The following DNAH12 variants were observed in gnomAD, a reference collection of about 807,000 sequenced individuals.
DNAH12 encodes the protein axonemal beta dynein heavy chain 12.
In DNAH12, 285 loss-of-function variants were observed where a neutral mutation model predicts 371.5. That is an observed-to-expected ratio of 0.77 (90% CI 0.70 to 0.85). DNAH12 has a LOEUF of 0.85. DNAH12 is among the 40% of genes least tolerant of loss of function. The pLI, the probability that DNAH12 is intolerant of heterozygous loss-of-function variation, is 0.00. For synonymous variants in DNAH12, 1,200 were observed against 1,213.0 expected, an observed-to-expected ratio of 0.99 and a Z score of 0.22; for missense variants, 3,611 against 3,689.4, an observed-to-expected ratio of 0.98 and a Z score of 0.55.
intron 20 of DNAH12, among the ~76,000 whole-genome samples, chr3:57,459,037 T>C (rs113541913): frequency 0.014 from 2,150 of 152,310 alleles, 28 homozygotes; most frequent in Non-Finnish European, 0.023. Context: ...ATTTCTTAAA[T>C]TGAATACCAG....
At chr3:57,545,796 C>T (rs1221365811), upstream of DNAH12, among the ~76,000 whole-genome samples, 1 of 152,166 alleles carries the variant, frequency 6.6e-6, no homozygotes, top group African/African-American at 2.4e-5. Context: ...GAAAAATCTC[C>T]AGCCCATTTG....
chr3:57,378,947 C>G (rs1389130574), intron 52 of DNAH12, among the ~76,000 whole-genome samples: 2 of 152,220 alleles, frequency 1.3e-5, no homozygotes, highest in Non-Finnish European at 2.9e-5. Context: ...TCCTGCATCA[C>G]TACCACCCAC....
In DNAH12 at chr3:57,425,075, AAAGTAGCACTTC is replaced by A; in HGVS notation, c.5308_5319del (p.Glu1770_Leu1773del). On this transcript the variant is annotated inframe_deletion, in exon 35 of 74. Coordinates refer to ENST00000495027, the MANE Select transcript of DNAH12 (RefSeq NM_001366028.2). ...GTAGGATCATTTTCTACCACATTGC[AAAGTAGCACTTC>A]AAAGAGGCGTGTGAGAGATACAACC... 1.4e-6 allele frequency: 1 copy of A among 702,878 alleles called. No individual in the cohort carries two copies. The highest frequency in any genetic ancestry group is 2.6e-6 in the Non-Finnish European group (1 of 384,932). 43.5% of individuals were successfully genotyped at this position (702,878 alleles called of 1,614,324 possible).
In DNAH12 at chr3:57,323,634, A is replaced by G; in HGVS notation, c.9979-15T>C. ...GCTGGGGTTATCTGTTGAAGAGAAAAGATATGATCTTTAGAGCAACTTTTA... is the reference window on the plus strand; with the variant it reads ...GCTGGGGTTATCTGTTGAAGAGAAAGGATATGATCTTTAGAGCAACTTTTA... On this transcript the variant is annotated splice_polypyrimidine_tract_variant and intron_variant, in intron 62 of 73. Coordinates refer to ENST00000495027, the MANE Select transcript of DNAH12 (RefSeq NM_001366028.2). 1 of 1,509,046 alleles carries G rather than the reference A, an allele frequency of 6.6e-7. No homozygotes were observed. The highest frequency in any genetic ancestry group is 8.8e-7 in the Non-Finnish European group (1 of 1,131,476). 93.5% of individuals were successfully genotyped at this position (1,509,046 alleles called of 1,614,324 possible). A position where few individuals can be genotyped will look rare whatever the true frequency, so the allele number is the denominator to read the frequency against.
chr3:57,548,602 A>G (rs1260328938), upstream of DNAH12, among the ~76,000 whole-genome samples: 1 of 152,148 alleles, frequency 6.6e-6, no homozygotes, highest in Non-Finnish European at 1.5e-5. Flanking sequence ...GCTACTTGGC[A>G]GACTGAGGGG....
At chr3:57,303,882 A>G (rs2061414123) in intron 69 of DNAH12, among the ~76,000 whole-genome samples, 1 of 152,188 alleles carries the variant, frequency 6.6e-6, no homozygotes, top group African/African-American at 2.4e-5. Flanking sequence ...GAAGTAACTG[A>G]AGAATCACAA....
At chr3:57,342,470 C>T (rs1453483124) in intron 60 of DNAH12, among the ~76,000 whole-genome samples, 3 of 111,756 alleles carry the variant, frequency 2.7e-5, no homozygotes, top group African/African-American at 3.5e-5. Context: ...GAAACCCTAT[C>T]TCTACTAAAA....
Position 57,310,730 on chromosome 3 carries a change from A to G in DNAH12, c.10883T>C (p.Ile3628Thr), listed in dbSNP as rs565790100. The G allele has an allele frequency of 3.2e-4, 498 of 1,549,938 alleles. 1 individual carries two copies. The highest frequency in any genetic ancestry group is 6.7e-4 in the Middle Eastern group (4 of 5,986). The change falls in exon 67 of 74, where the codon ATT (isoleucine) becomes ACT (threonine). Residue 3628 changes from isoleucine to threonine, a missense_variant. This residue lies in a region of DNAH12 where 2,266 missense variants were observed against 2,236.9 expected (regional missense o/e 1.01). Coordinates refer to ENST00000495027, the MANE Select transcript of DNAH12 (RefSeq NM_001366028.2). ...APPKGTYEDY[I>T]EFIKKLPFTQ... ...TGACATCATTACCTTAATGAATTCA[A>G]TGTAGTCCTCATAAGTGCCTTTAGG...
Position 57,453,423 on chromosome 3 carries a change from G to A in DNAH12, c.3457-20C>T, listed in dbSNP as rs2065814234. Reference sequence around the variant, plus strand: ...TAATCCCTACAAAATAAAAAAAAAAGCAATCTAATTGATGTCACATCATAC... The same window carrying A: ...TAATCCCTACAAAATAAAAAAAAAAACAATCTAATTGATGTCACATCATAC... On this transcript the variant is annotated intron_variant, in intron 23 of 73. Coordinates refer to ENST00000495027, the MANE Select transcript of DNAH12 (RefSeq NM_001366028.2). 2 of 1,450,754 alleles carry A rather than the reference G, an allele frequency of 1.4e-6. No individual in the cohort carries two copies. Among genetic ancestry groups the A allele is most frequent in the South Asian group, 1.4e-5 (1 of 73,722 alleles). 89.9% of individuals were successfully genotyped at this position (1,450,754 alleles called of 1,614,324 possible).
intron 8 of DNAH12, among the ~76,000 whole-genome samples, chr3:57,506,746 G>C (rs757101032): frequency 6.6e-6 from 1 of 151,854 alleles, no homozygotes; most frequent in Non-Finnish European, 1.5e-5. Flanking sequence ...CCAGCCTCAG[G>C]GTGATTTTCT....
intron 59 of DNAH12, among the ~76,000 whole-genome samples, chr3:57,354,690 G>A (rs1054083375): frequency 4.2e-4 from 64 of 152,088 alleles, no homozygotes; most frequent in African/African-American, 1.4e-3. Context: ...TTTATTCATA[G>A]TAACCCCAAA....
intron 60 of DNAH12, among the ~76,000 whole-genome samples, chr3:57,344,886 AATATATT>A (rs1553657566): frequency 6.6e-6 from 1 of 152,044 alleles, no homozygotes. Flanking sequence ...AGTTAACAAT[AATATATT>A]ATTGTTGACT....
At chr3:57,389,495 TG>T (rs1444828363) in intron 45 of DNAH12, among the ~76,000 whole-genome samples, 3 of 152,114 alleles carry the variant, frequency 2.0e-5, no homozygotes, top group African/African-American at 7.2e-5. Context: ...CTTTCCGTCT[TG>T]TTGTTCCCTT....
chr3:57,539,062 C>T (rs994416370), intron 2 of DNAH12, among the ~76,000 whole-genome samples: 4 of 152,146 alleles, frequency 2.6e-5, no homozygotes, highest in African/African-American at 9.7e-5. Context: ...ACCTACTTTC[C>T]TCCTCCACTG....
intron 4 of DNAH12, chr3:57,519,567 TGAA>T: frequency 1.5e-6 from 1 of 688,734 alleles, no homozygotes; most frequent in Admixed American, 2.2e-5. Context: ...GACTCCTATT[TGAA>T]GAAGTAATCC....
intron 60 of DNAH12, among the ~76,000 whole-genome samples, chr3:57,347,439 G>A (rs2062567990): frequency 6.6e-6 from 1 of 152,116 alleles, no homozygotes; most frequent in Non-Finnish European, 1.5e-5. Context: ...TTGACAGCTG[G>A]GCACAGGAGC....
At chr3:57,469,466 C>T (rs2066303973) in intron 16 of DNAH12, among the ~76,000 whole-genome samples, 2 of 152,164 alleles carry the variant, frequency 1.3e-5, no homozygotes, top group African/African-American at 4.8e-5. Flanking sequence ...TTTGACCCAG[C>T]AATCCCATTA....
At chr3:57,408,930 G>A (rs1164795301) in intron 39 of DNAH12, among the ~76,000 whole-genome samples, 2 of 152,106 alleles carry the variant, frequency 1.3e-5, no homozygotes, top group East Asian at 1.9e-4. Flanking sequence ...TCTGGCTTGT[G>A]CTTGTTGTAC....
intron 35 of DNAH12, among the ~76,000 whole-genome samples, chr3:57,422,695 G>T (rs1050332522): frequency 6.6e-6 from 1 of 152,100 alleles, no homozygotes; most frequent in Admixed American, 6.6e-5. Context: ...AAATAACCTA[G>T]GAATTTCTCT....
Sources: allele counts gnomAD v4.1 joint callset (sites outside exome capture counted in the v4.1 genomes callset), GRCh38; gene constraint gnomAD v4.1.1; regional missense constraint gnomAD v4.1.1; transcripts MANE v1.5; gene names NCBI Gene and HGNC (gene_info 2026-07-23, HGNC 2026-07-21).